Variants in GLT8D2 observed in about 807,000 individuals in gnomAD.
GLT8D2 encodes glycosyltransferase 8 domain-containing protein 2.
Under a neutral mutation model 44.5 loss-of-function variants are expected in GLT8D2, and 45 were observed. The observed-to-expected ratio is 1.01, with a 90% CI of 0.80 to 1.30. The LOEUF (loss-of-function observed/expected upper bound fraction) is 1.30. Ranked by LOEUF, GLT8D2 falls within the 50% of genes most tolerant of loss-of-function variation. The pLI is 0.00. For missense variants in GLT8D2, 400 were observed against 430.4 expected (o/e 0.93, Z 0.62); for synonymous variants, 156 against 157.2 (o/e 0.99, Z 0.06).
At chr12:104,014,262 G>A (rs568734447) in intron 4 of GLT8D2, 37 of 700,096 alleles carry the variant, frequency 5.3e-5, no homozygotes, top group Middle Eastern at 2.9e-4. Context: ...TGCTGAGGCC[G>A]GAGGATTGCT....
intron 1 of GLT8D2, among the ~76,000 whole-genome samples, chr12:104,026,905 G>A (rs1878650270): frequency 6.6e-6 from 1 of 152,198 alleles, no homozygotes; most frequent in Admixed American, 6.5e-5. Context: ...ACGGGAGGCT[G>A]CAGACTGCAA....
At chr12:104,013,501 C>A (rs1013155633) in intron 4 of GLT8D2, among the ~76,000 whole-genome samples, 4 of 152,106 alleles carry the variant, frequency 2.6e-5, no homozygotes, top group Admixed American at 6.5e-5. Flanking sequence ...ATGAATTATA[C>A]CCTAAGAACA....
At chr12:104,030,227 T>C (rs1310095025) in intron 1 of GLT8D2, among the ~76,000 whole-genome samples, 2 of 152,158 alleles carry the variant, frequency 1.3e-5, no homozygotes, top group Admixed American at 1.3e-4. Flanking sequence ...TATTCTTCCA[T>C]AAGGCACAAA....
chr12:104,062,571 T>C (rs1278231888), intron 1 of GLT8D2, among the ~76,000 whole-genome samples: 1 of 152,192 alleles, frequency 6.6e-6, no homozygotes. Context: ...GAGTACCTCT[T>C]GAGAATCTGA....
chr12:104,011,769 T>C (rs1875854960), intron 4 of GLT8D2, among the ~76,000 whole-genome samples: 1 of 152,166 alleles, frequency 6.6e-6, no homozygotes, highest in Non-Finnish European at 1.5e-5. Flanking sequence ...GACTGTTTTC[T>C]GCAGACCTCT....
At chr12:104,015,512 T>C (rs1345640309) in intron 3 of GLT8D2, among the ~76,000 whole-genome samples, 4 of 151,598 alleles carry the variant, frequency 2.6e-5, no homozygotes, top group Non-Finnish European at 5.9e-5. Flanking sequence ...GGCTTGAGCC[T>C]GGGAGGTGGA....
At position 104,014,994 on chromosome 12, in the gene GLT8D2, G is replaced by A. The variant is rs1367069766; in HGVS notation, c.112+19C>T. 1 of 1,562,674 alleles carries A rather than the reference G, an allele frequency of 6.4e-7. No homozygotes were observed. Among genetic ancestry groups the A allele is most frequent in the South Asian group, 1.1e-5 (1 of 89,878 alleles). On this transcript the variant is annotated intron_variant, in intron 4 of 10. Coordinates refer to ENST00000360814, the MANE Select transcript of GLT8D2 (RefSeq NM_001384711.1). ...ACATTCCTGGGTATCCCAACTCAAT[G>A]AATTCCATGTCTGCTCACCTGCGTC...
chr12:104,054,864 A>T (rs116914957), upstream of GLT8D2, among the ~76,000 whole-genome samples: 1,294 of 152,258 alleles, frequency 8.5e-3, 15 homozygotes, highest in Non-Finnish European at 9.0e-3. Context: ...GCATATGGCC[A>T]CACTGGTTGT....
At chr12:104,042,766 G>A (rs1290167868) in intron 1 of GLT8D2, among the ~76,000 whole-genome samples, 1 of 152,126 alleles carries the variant, frequency 6.6e-6, no homozygotes, top group Non-Finnish European at 1.5e-5. Context: ...TAGCTGATGA[G>A]CTAAACAAAA....
At chr12:103,997,299 A>G in intron 7 of GLT8D2, 152 bp downstream of exon 7, 1 of 656,170 alleles carries the variant, frequency 1.5e-6, no homozygotes, top group Non-Finnish European at 2.7e-6. Context: ...CGTTTCCAAA[A>G]TACTTCCACA....
intron 1 of GLT8D2, among the ~76,000 whole-genome samples, chr12:104,046,126 A>G (rs1881124452): frequency 6.6e-6 from 1 of 152,184 alleles, no homozygotes; most frequent in African/African-American, 2.4e-5. Flanking sequence ...GTTAGTGGAA[A>G]TATGGGCTTT....
At chr12:104,047,356 G>A (rs1248257423) in intron 1 of GLT8D2, among the ~76,000 whole-genome samples, 1 of 149,876 alleles carries the variant, frequency 6.7e-6, no homozygotes, top group Non-Finnish European at 1.5e-5. Context: ...CCAGGCTGGA[G>A]TGCAATGGTG....
chr12:103,993,898 A>T (rs1243304403), intron 9 of GLT8D2: 3 of 168,296 alleles, frequency 1.8e-5, no homozygotes, highest in Non-Finnish European at 3.8e-5. Flanking sequence ...TAGTGCTTGT[A>T]TTAGACTTAT....
At chr12:104,017,569 C>T (rs1877057085) in intron 3 of GLT8D2, among the ~76,000 whole-genome samples, 1 of 152,186 alleles carries the variant, frequency 6.6e-6, no homozygotes. Flanking sequence ...GTGATCCTCC[C>T]ACCTTGGTCT....
intron 1 of GLT8D2, among the ~76,000 whole-genome samples, chr12:104,061,656 C>T (rs189481527): frequency 8.8e-4 from 134 of 152,260 alleles, no homozygotes; most frequent in Middle Eastern, 3.4e-3. Flanking sequence ...TTCTCCCTCC[C>T]TTTCCAAATT....
intron 1 of GLT8D2, among the ~76,000 whole-genome samples, chr12:104,030,541 A>G (rs1879120862): frequency 6.6e-6 from 1 of 152,122 alleles, no homozygotes; most frequent in Admixed American, 6.5e-5. Flanking sequence ...AACAAGTGGG[A>G]CTACATCAAA....
At chr12:104,029,073 T>C (rs959627173) in intron 1 of GLT8D2, among the ~76,000 whole-genome samples, 2 of 152,024 alleles carry the variant, frequency 1.3e-5, no homozygotes, top group South Asian at 2.1e-4. Flanking sequence ...AGGTGGATCA[T>C]GAGGTCAAGA....
chr12:104,039,984 C>T (rs955028089), intron 1 of GLT8D2, among the ~76,000 whole-genome samples: 1 of 152,172 alleles, frequency 6.6e-6, no homozygotes, highest in Admixed American at 6.5e-5. Context: ...GGTGAGCTCA[C>T]ATCCTTTGCA....
chr12:104,021,989 A>G (rs4326875), intron 1 of GLT8D2, among the ~76,000 whole-genome samples: 1,349 of 22,904 alleles, frequency 0.059, 247 homozygotes, highest in East Asian at 0.27. Context: ...AAGAGGAAGA[A>G]GAAGAAGAAG....
Sources: allele counts gnomAD v4.1 joint callset (sites outside exome capture counted in the v4.1 genomes callset), GRCh38; gene constraint gnomAD v4.1.1; transcripts MANE v1.5; gene names NCBI Gene and HGNC (gene_info 2026-07-23, HGNC 2026-07-21).